CDON: variants seen among roughly 807,000 people sequenced by gnomAD.
The protein encoded by CDON is cell adhesion associated, oncogene regulated, also known as cell adhesion molecule-related/down-regulated by oncogenes.
CDON carries 73 observed loss-of-function variants against 120.9 expected under a neutral mutation model. That is an observed-to-expected ratio of 0.60 (90% CI 0.50 to 0.73). CDON has a LOEUF of 0.73. Ranked by LOEUF, CDON falls within the 30% of genes least tolerant of loss-of-function variation. The pLI, the probability that CDON is intolerant of heterozygous loss-of-function variation, is 0.00. For missense variants in CDON, 1,470 were observed against 1,587.3 expected, an observed-to-expected ratio of 0.93 and a Z score of 1.26; for synonymous variants, 566 against 573.5, an observed-to-expected ratio of 0.99 and a Z score of 0.19.
Position 125,963,187 on chromosome 11 carries a change from T to G in CDON, c.3357-1189A>C, listed in dbSNP as rs544205413. Among the ~76,000 whole-genome samples, 4 of 152,248 alleles carry G rather than the reference T, an allele frequency of 2.6e-5. No individual in the cohort carries two copies. The East Asian group carries it at 5.8e-4, about 22-fold the overall frequency. On this transcript the variant is annotated intron_variant, in intron 18 of 19. Transcript: ENST00000531738. ...TTTCAAGGGTAGACTCTTATTCAGT[T>G]TCTGCCTGCTTCTGCTTATTCTCCA...
chr11:125,999,434 T>A (rs1177894946), intron 11 of CDON, among the ~76,000 whole-genome samples: 1 of 152,218 alleles, frequency 6.6e-6, no homozygotes, highest in Non-Finnish European at 1.5e-5. Flanking sequence ...ATCTGAGGCA[T>A]CGTGCATGGT....
At chr11:126,051,303 C>A (rs116436050) in intron 1 of CDON, among the ~76,000 whole-genome samples, 1,949 of 152,238 alleles carry the variant, frequency 0.013, 40 homozygotes, top group African/African-American at 0.044. Context: ...TAACAATCTA[C>A]CTATCTGGGA....
chr11:125,995,084 A>C, intron 12 of CDON, 32 bp from the exon 13 acceptor site: 1 of 1,563,326 alleles, frequency 6.4e-7, no homozygotes, highest in South Asian at 1.1e-5. Flanking sequence ...AACAAACAAC[A>C]ACAACAAAAA....
chr11:126,017,383 A>C lies in CDON; in HGVS notation c.641-8T>G, dbSNP rs1166056156. On this transcript the variant is annotated splice_region_variant and splice_polypyrimidine_tract_variant and intron_variant, in intron 5 of 19. Transcript: ENST00000531738. ...CATCATCTGAAGAAGGACCTGGAAA[A>C]GGAAAGGAGATGAGAGATTATTAGT... The C allele has an allele frequency of 6.2e-7, 1 of 1,613,688 alleles. No individual in the cohort carries two copies. The highest frequency in any genetic ancestry group is 1.1e-5 in the South Asian group (1 of 91,058).
chr11:125,961,853 A>G lies in CDON; in HGVS notation c.3502T>C (p.Cys1168Arg), dbSNP rs1393122019. The change falls in exon 19 of 20, where the codon TGT (cysteine) becomes CGT (arginine). Residue 1168 changes from cysteine to arginine, a missense_variant. Physicochemically the swap from Cys to Arg is radical, Grantham distance 180. Coordinates refer to ENST00000531738, the MANE Select transcript of CDON (RefSeq NM_001378964.1). ...ACGCTCTCCTCCGGCAACTGGCCAC[A>G]ATCAGGGACTGCGGAAGTCAGGCAT... Reference protein sequence around the residue: ...PVCLTSAVPDCGQLPEESVKD... With the variant: ...PVCLTSAVPDRGQLPEESVKD... The G allele has an allele frequency of 1.2e-6, 2 of 1,614,076 alleles. No individual in the cohort carries two copies. Among genetic ancestry groups the G allele is most frequent in the Admixed American group, 1.7e-5 (1 of 60,000 alleles).
At chr11:126,060,532 CA>C (rs1454843315) in intron 1 of CDON, among the ~76,000 whole-genome samples, 1 of 150,758 alleles carries the variant, frequency 6.6e-6, no homozygotes, top group Non-Finnish European at 1.5e-5. Context: ...AAACAATCAC[CA>C]ATTTTTAGTC....
rs555473661 is a variant in CDON at position 125,972,610 on chromosome 11, A to G, written c.3356+5694T>C. Among the ~76,000 whole-genome samples the G allele has an allele frequency of 9.2e-5, 14 of 152,244 alleles. 1 individual carries two copies. In the South Asian group the frequency reaches 2.9e-3, roughly 32 times the overall value. Reference sequence around the variant, plus strand: ...CTTTTCACATCATACTCTCATTTACATAATAGAGGCAACGTTTTCCCTCCA... The same window carrying G: ...CTTTTCACATCATACTCTCATTTACGTAATAGAGGCAACGTTTTCCCTCCA... On this transcript the variant is annotated intron_variant, in intron 18 of 19. Transcript: ENST00000531738.
intron 6 of CDON, among the ~76,000 whole-genome samples, chr11:126,015,811 C>T (rs1031575584): frequency 1.3e-5 from 2 of 152,192 alleles, no homozygotes; most frequent in African/African-American, 4.8e-5. Flanking sequence ...CTGGGCTTCT[C>T]TTAGCATTTA....
chr11:126,037,186 G>A (rs1948123205), intron 1 of CDON, among the ~76,000 whole-genome samples: 1 of 151,162 alleles, frequency 6.6e-6, no homozygotes, highest in Non-Finnish European at 1.5e-5. Context: ...CTGCAGCCTT[G>A]ACCTCCCTGG....
At chr11:126,059,491 C>T (rs2134973540) in intron 1 of CDON, among the ~76,000 whole-genome samples, 1 of 150,446 alleles carries the variant, frequency 6.6e-6, no homozygotes, top group South Asian at 2.1e-4. Flanking sequence ...CCCCCCCTGC[C>T]CGCATCCCCC....
chr11:126,013,178 C>A (rs1175632048), intron 7 of CDON, among the ~76,000 whole-genome samples: 1 of 152,144 alleles, frequency 6.6e-6, no homozygotes, highest in Non-Finnish European at 1.5e-5. Flanking sequence ...CAAGTGGATT[C>A]CTGGGATAAC....
chr11:126,061,668 A>T (rs1336964486), intron 1 of CDON, among the ~76,000 whole-genome samples: 3 of 152,242 alleles, frequency 2.0e-5, no homozygotes, highest in African/African-American at 7.2e-5. Flanking sequence ...TAGGCCTGAA[A>T]ATAAATCTCA....
intron 18 of CDON, among the ~76,000 whole-genome samples, chr11:125,976,638 C>G (rs2134420281): frequency 6.8e-6 from 1 of 146,898 alleles, no homozygotes; most frequent in Non-Finnish European, 1.5e-5. Context: ...CACACACACA[C>G]TACACATACA....
At chr11:125,981,854 TG>T (rs1487022095) in intron 16 of CDON, among the ~76,000 whole-genome samples, 1 of 152,032 alleles carries the variant, frequency 6.6e-6, no homozygotes. Context: ...TAAACAACTC[TG>T]TTAAGTAAAA....
rs1416058542 is a variant in CDON at position 126,005,824 on chromosome 11, G to A, written c.1786C>T (p.Leu596=). Residue 596 remains leucine, a synonymous_variant, in exon 9 of 20, where the codon CTG becomes TTG. Coordinates refer to ENST00000531738, the MANE Select transcript of CDON (RefSeq NM_001378964.1). ...CCATCCTTGCCTGCCCTCCACACCA[G>A]GTTGTACGTGTCTGGTGTGTGGGTC... ...PQTHTPDTYN[L]VWRAGKDGGL... 6.2e-7 allele frequency: 1 copy of A among 1,614,150 alleles called. No individual in the cohort carries two copies. Among genetic ancestry groups the A allele is most frequent in the Non-Finnish European group, 8.5e-7 (1 of 1,180,026 alleles).
intron 1 of CDON, among the ~76,000 whole-genome samples, chr11:126,035,591 G>A (rs1948073554): frequency 6.6e-6 from 1 of 152,104 alleles, no homozygotes; most frequent in South Asian, 2.1e-4. Flanking sequence ...ACATTCATAA[G>A]CTGACATACA....
chr11:125,964,173 T>C (rs1945726574), intron 18 of CDON, among the ~76,000 whole-genome samples: 1 of 152,196 alleles, frequency 6.6e-6, no homozygotes. Context: ...CTACAGACTC[T>C]AAACGGGGTG....
rs74401153 is a variant in CDON at position 125,985,031 on chromosome 11, T to C, written c.2774-938A>G. 4.2e-4 allele frequency among the ~76,000 whole-genome samples: 64 copies of C among 152,248 alleles called. No homozygotes were observed. The East Asian group carries it at 0.011, about 26-fold the overall frequency. On this transcript the variant is annotated intron_variant, in intron 15 of 19. Transcript: ENST00000531738. Reference sequence around the variant, plus strand: ...ACCTCATTCTCTCATTCCCAAATCATATGTTCTTAAGTCTCTAAATGTCAC... The same window carrying C: ...ACCTCATTCTCTCATTCCCAAATCACATGTTCTTAAGTCTCTAAATGTCAC...
rs1254847577 is a variant in CDON, at chr11:126,014,859, ACT to A, written c.1198+380_1198+381del. ...AGGTATTGTTATAAAATGCACACACACTCTCTCATGTTGTGTGAAACCACTCA... is the reference window on the plus strand; with the variant it reads ...AGGTATTGTTATAAAATGCACACACACTCTCATGTTGTGTGAAACCACTCA... On this transcript the variant is annotated intron_variant, in intron 7 of 19. Transcript: ENST00000531738. 5.2e-5 allele frequency: 9 copies of A among 172,768 alleles called. No individual in the cohort carries two copies. In the East Asian group the frequency reaches 1.2e-3, roughly 24 times the overall value. 10.7% of individuals were successfully genotyped at this position (172,768 alleles called of 1,614,324 possible).
Sources: gnomAD v4.1 joint callset for allele counts (sites outside exome capture counted in the v4.1 genomes callset) on GRCh38, gnomAD v4.1.1 for gene constraint, MANE v1.5 for transcripts, NCBI Gene and HGNC (gene_info 2026-07-23, HGNC 2026-07-21) for gene names.